The following DNMT3B variants were observed in gnomAD, a reference collection of about 807,000 sequenced individuals.
DNMT3B encodes the protein DNA (cytosine-5)-methyltransferase 3B.
Under a neutral mutation model 120.2 loss-of-function variants are expected in DNMT3B, and 37 were observed. The ratio of observed to expected loss-of-function variants is 0.31; its 90% CI spans 0.24 to 0.40. The LOEUF (loss-of-function observed/expected upper bound fraction) is 0.40, where lower values mean the gene tolerates loss of function less well. Among genes scored for constraint, DNMT3B ranks in the 10% least tolerant of loss-of-function variants. DNMT3B has a pLI of 1.00. For synonymous variants in DNMT3B, 412 were observed against 442.8 expected, an observed-to-expected ratio of 0.93 and a Z score of 0.87; for missense variants, 878 against 1,137.3, an observed-to-expected ratio of 0.77 and a Z score of 3.28.
chr20:32,765,750 C>CTTTTTTTTTTTTTTTT (rs1208508674), intron 1 of DNMT3B, among the ~76,000 whole-genome samples: 3 of 108,438 alleles, frequency 2.8e-5, no homozygotes, highest in African/African-American at 5.0e-5. Context: ...TTTATTTTTT[C>CTTTTTTTTTTTTTTTT]TTTTTTTCTT....
chr20:32,784,915 CA>C, intron 4 of DNMT3B, 56 bp downstream of exon 4: 7 of 1,547,580 alleles, frequency 4.5e-6, no homozygotes, highest in Non-Finnish European at 6.2e-6. Flanking sequence ...ACATAGCATA[CA>C]TAGCATGCTA....
At chr20:32,789,282 G>A (rs1239037385) in intron 7 of DNMT3B, among the ~76,000 whole-genome samples, 1 of 152,220 alleles carries the variant, frequency 6.6e-6, no homozygotes, top group Admixed American at 6.5e-5. Context: ...AATCATCAGT[G>A]TGGACTCTGA....
intron 1 of DNMT3B, among the ~76,000 whole-genome samples, chr20:32,766,964 C>G (rs138474128): frequency 6.6e-6 from 1 of 152,176 alleles, no homozygotes; most frequent in South Asian, 2.1e-4. Context: ...GGTCTCGGCT[C>G]ACTGCAACCT....
At chr20:32,770,290 T>A (rs1041664693) in intron 1 of DNMT3B, among the ~76,000 whole-genome samples, 7 of 149,532 alleles carry the variant, frequency 4.7e-5, no homozygotes, top group Non-Finnish European at 7.4e-5. Context: ...TTTTTGTAAT[T>A]TTTTTTTTTT....
At chr20:32,795,380 C>T (rs756989032) in intron 10 of DNMT3B, 29 bp from the exon 11 acceptor site, 24 of 1,613,494 alleles carry the variant, frequency 1.5e-5, no homozygotes, top group Non-Finnish European at 2.0e-5. Flanking sequence ...CCTACCAAGC[C>T]ACGGCTGCAG....
At chr20:32,771,634 T>A (rs1166688734) in intron 1 of DNMT3B, among the ~76,000 whole-genome samples, 3 of 30,620 alleles carry the variant, frequency 9.8e-5, no homozygotes, top group Admixed American at 4.1e-4. Context: ...AGACCGCATC[T>A]CAAAAAAAAA....
At chr20:32,796,047 C>T (rs1980583229) in intron 12 of DNMT3B, among the ~76,000 whole-genome samples, 1 of 152,206 alleles carries the variant, frequency 6.6e-6, no homozygotes, top group South Asian at 2.1e-4. Flanking sequence ...AGGCTAAATA[C>T]TCTGCTTGCC....
chr20:32,786,721 CTG>C, intron 5 of DNMT3B, 94 bp downstream of exon 5: 1 of 1,587,052 alleles, frequency 6.3e-7, no homozygotes, highest in Non-Finnish European at 8.6e-7. Context: ...GGTAGATAAT[CTG>C]TGTCCTTTTT....
At chr20:32,791,459 G>C in intron 7 of DNMT3B, 142 bp from the exon 8 acceptor site, 1 of 788,140 alleles carries the variant, frequency 1.3e-6, no homozygotes, top group East Asian at 2.7e-5. Context: ...CTTTCAAATA[G>C]ATGTCTGTGG....
intron 20 of DNMT3B, among the ~76,000 whole-genome samples, chr20:32,804,093 G>T (rs533755305): frequency 6.6e-6 from 1 of 152,122 alleles, no homozygotes; most frequent in African/African-American, 2.4e-5. Context: ...TAGCAAGGAC[G>T]GATCAGATTC....
At chr20:32,784,557 T>C (rs1296138784) in intron 3 of DNMT3B, among the ~76,000 whole-genome samples, 1 of 152,188 alleles carries the variant, frequency 6.6e-6, no homozygotes. Context: ...CCTGATGACA[T>C]GGTGCAGGTT....
rs1312020556 is a variant in DNMT3B, at chr20:32,762,631, G to A, written c.-75G>A. On this transcript the variant is annotated 5_prime_UTR_variant, in exon 1 of 23. Coordinates refer to ENST00000328111, the MANE Select transcript of DNMT3B (RefSeq NM_006892.4). ...CCAGCGCCCTGCACGGCCGCCAGCC[G>A]GCCTCCCGCCAGCCAGCCCCGACCC... 3.6e-6 allele frequency: 1 copy of A among 278,844 alleles called. No individual in the cohort carries two copies. Among genetic ancestry groups the A allele is most frequent in the Non-Finnish European group, 7.5e-6 (1 of 133,912 alleles). 17.3% of individuals were successfully genotyped at this position (278,844 alleles called of 1,614,324 possible).
intron 21 of DNMT3B, 55 bp downstream of exon 21, chr20:32,805,462 A>T (rs987067426): frequency 3.7e-6 from 6 of 1,605,586 alleles, no homozygotes; most frequent in Middle Eastern, 1.8e-4. Flanking sequence ...CCAAGTGGGG[A>T]CTTGGGAGAT....
rs1411290200 is a variant in DNMT3B, at chr20:32,795,446, C to G, written c.1164C>G (p.Ala388=). 6.2e-7 allele frequency: 1 copy of G among 1,614,158 alleles called. No homozygotes were observed. Among genetic ancestry groups the G allele is most frequent in the South Asian group, 1.1e-5 (1 of 91,078 alleles). ...KTRRRTADDS[A]TSDYCPAPKR... is the part of the protein sequence containing the mutation. ...GAAGACGCACAGCTGACGACTCAGC[C>G]ACCTCTGACTACTGCCCCGCACCCA... is the stretch of plus-strand genomic sequence containing the variant. The change falls in exon 11 of 23, where the codon GCC becomes GCG. Residue 388 remains alanine, a synonymous_variant. Transcript: ENST00000328111.
chr20:32,799,200 T>C (rs1483798840), intron 15 of DNMT3B, 44 bp from the exon 16 acceptor site: 8 of 1,586,198 alleles, frequency 5.0e-6, no homozygotes. Context: ...CTTGAGTCTT[T>C]GCCCTGTGCC....
chr20:32,784,427 A>G (rs1315340758), intron 3 of DNMT3B, among the ~76,000 whole-genome samples: 1 of 152,232 alleles, frequency 6.6e-6, no homozygotes, highest in Non-Finnish European at 1.5e-5. Flanking sequence ...AAAGCCACAC[A>G]GTTGGTGAGT....
Position 32,800,286 on chromosome 20 carries a change from C to A in DNMT3B, c.1893C>A (p.Ile631=). The A allele has an allele frequency of 6.2e-7, 1 of 1,614,176 alleles. No individual in the cohort carries two copies. Among genetic ancestry groups the A allele is most frequent in the Non-Finnish European group, 8.5e-7 (1 of 1,180,038 alleles). The change falls in exon 17 of 23, where the codon ATC becomes ATA. Residue 631 remains isoleucine, a synonymous_variant. Transcript: ENST00000328111. ...NIKYVNDVRN[I]TKKNIEEWGP... The stretch of plus-strand genomic sequence containing the variant: ...AATACGTGAACGACGTGAGGAACAT[C>A]ACAAAGAAAAATGTGAGGGCAGTCT...
At chr20:32,776,923 C>G (rs764512262) in intron 1 of DNMT3B, among the ~76,000 whole-genome samples, 1 of 151,596 alleles carries the variant, frequency 6.6e-6, no homozygotes, top group Non-Finnish European at 1.5e-5. Context: ...TCTTGGCCTG[C>G]GTGTAGACTG....
intron 6 of DNMT3B, 42 bp from the exon 7 acceptor site, chr20:32,788,812 G>A (rs774981841): frequency 8.1e-6 from 13 of 1,613,946 alleles, no homozygotes; most frequent in Non-Finnish European, 1.0e-5. Flanking sequence ...GCCCAGGATG[G>A]CCTCTCCTCA....
Sources: gnomAD v4.1 joint callset for allele counts (sites outside exome capture counted in the v4.1 genomes callset) on GRCh38, gnomAD v4.1.1 for gene constraint, MANE v1.5 for transcripts, NCBI Gene and HGNC (gene_info 2026-07-23, HGNC 2026-07-21) for gene names.